The following SLCO3A1 variants were observed in gnomAD, a reference collection of about 807,000 sequenced individuals.
The protein encoded by SLCO3A1 is PGE1 transporter.
A neutral mutation model predicts 63.1 loss-of-function variants in SLCO3A1; 27 were observed. That is an observed-to-expected ratio of 0.43 (90% CI 0.32 to 0.59). SLCO3A1 has a LOEUF of 0.59. Ranked by LOEUF, SLCO3A1 falls within the 20% of genes least tolerant of loss-of-function variation. SLCO3A1 has a pLI of 0.09. For missense variants in SLCO3A1, 773 were observed against 945.8 expected, an observed-to-expected ratio of 0.82 and a Z score of 2.40; for synonymous variants, 473 against 409.9, an observed-to-expected ratio of 1.15 and a Z score of -1.86.
chr15:92,025,029 C>G (rs896879104), intron 2 of SLCO3A1, among the ~76,000 whole-genome samples: 4 of 152,266 alleles, frequency 2.6e-5, no homozygotes, highest in African/African-American at 9.6e-5. Flanking sequence ...ATCCATCTGT[C>G]TATCCATCCA....
At chr15:91,971,501 GC>G (rs1334179417) in intron 2 of SLCO3A1, among the ~76,000 whole-genome samples, 2 of 150,472 alleles carry the variant, frequency 1.3e-5, no homozygotes, top group African/African-American at 4.9e-5. Flanking sequence ...ATGTTTTTGT[GC>G]TTTTGTTGAT....
At chr15:92,110,706 G>A (rs901652969) in intron 4 of SLCO3A1, among the ~76,000 whole-genome samples, 6 of 135,438 alleles carry the variant, frequency 4.4e-5, no homozygotes, top group Non-Finnish European at 6.8e-5. Flanking sequence ...TACTCTGTAC[G>A]CTTCATGAAG....
intron 2 of SLCO3A1, among the ~76,000 whole-genome samples, chr15:91,993,349 G>T (rs891860328): frequency 6.6e-6 from 1 of 152,170 alleles, no homozygotes; most frequent in African/African-American, 2.4e-5. Context: ...TTGGTTTGAA[G>T]TTACCACTCC....
Position 92,021,155 on chromosome 15 carries a change from C to T in SLCO3A1, c.647-73726C>T, listed in dbSNP as rs79704696. Among the ~76,000 whole-genome samples the T allele has an allele frequency of 7.8e-4, 119 of 152,304 alleles. 1 individual carries two copies. The East Asian group carries it at 0.016, about 21-fold the overall frequency. On this transcript the variant is annotated intron_variant, in intron 2 of 9. Transcript: ENST00000318445. ...GTATGGTTGTGCTTGTTGTCATCAT[C>T]GCATCCTCACATTTTTGGGTGGCCC... is the stretch of plus-strand genomic sequence containing the variant.
In SLCO3A1 at chr15:91,950,665, ATGT is replaced by A. The variant is rs1365102026; in HGVS notation, c.646+34211_646+34213del. ...TCTTCCCGCTGTTTATTTAATGTAC[ATGT>A]TGTCTGACTTCATTTGGTTCTGTAT... On this transcript the variant is annotated intron_variant, in intron 2 of 9. Transcript: ENST00000318445. The surrounding 1 kb of genome is among the most constrained non-coding windows in gnomAD (Gnocchi z 4.4). Among the ~76,000 whole-genome samples, 1 of 152,086 alleles carries A rather than the reference ATGT, an allele frequency of 6.6e-6. No homozygotes were observed. Among genetic ancestry groups the A allele is most frequent in the Non-Finnish European group, 1.5e-5 (1 of 68,016 alleles).
intron 1 of SLCO3A1, among the ~76,000 whole-genome samples, chr15:91,914,645 C>T: frequency 6.7e-6 from 1 of 149,712 alleles, no homozygotes; most frequent in East Asian, 2.0e-4. Context: ...TCTCAGCTCA[C>T]TGCAACCGCC....
In SLCO3A1 at chr15:92,126,933, G is replaced by A. The variant is rs531103122; in HGVS notation, c.1373+674G>A. On this transcript the variant is annotated intron_variant, in intron 6 of 9. Transcript: ENST00000318445. ...GCCTGGAGCATCGAGGCTGAAGCAT[G>A]GCTGGCCTGCAGGTTACCAGTTTCT... is the stretch of plus-strand genomic sequence containing the variant. Among the ~76,000 whole-genome samples the A allele has an allele frequency of 6.6e-5, 10 of 152,300 alleles. No homozygotes were observed. The South Asian group carries it at 2.1e-3, about 32-fold the overall frequency.
chr15:92,054,893 A>G (rs2047003791), intron 2 of SLCO3A1, among the ~76,000 whole-genome samples: 1 of 152,162 alleles, frequency 6.6e-6, no homozygotes, highest in South Asian at 2.1e-4. Flanking sequence ...GGTATTATGA[A>G]TAGTGCTGCA....
intron 2 of SLCO3A1, among the ~76,000 whole-genome samples, chr15:92,084,719 G>A (rs1258684497): frequency 1.3e-5 from 2 of 152,204 alleles, no homozygotes; most frequent in Non-Finnish European, 2.9e-5. Context: ...CGGGCAGCCT[G>A]TGCTCCTCTC....
intron 3 of SLCO3A1, among the ~76,000 whole-genome samples, chr15:92,099,686 A>G (rs1335901860): frequency 6.6e-6 from 1 of 152,212 alleles, no homozygotes; most frequent in African/African-American, 2.4e-5. Flanking sequence ...AACAGCTGTC[A>G]ACAGCTCTCA....
intron 2 of SLCO3A1, among the ~76,000 whole-genome samples, chr15:92,027,499 A>G (rs2046590006): frequency 6.6e-6 from 1 of 152,242 alleles, no homozygotes; most frequent in Non-Finnish European, 1.5e-5. Context: ...AGCCAGCAGC[A>G]GCAAAGAGGA....
At position 91,988,975 on chromosome 15, in the gene SLCO3A1, C is replaced by A. The variant is rs143034271; in HGVS notation, c.646+72517C>A. The stretch of plus-strand genomic sequence containing the variant: ...CTCTCTCTCATACTTAACTTGGTGT[C>A]CTTGACTAGTTTGGCCAGTCTCTTG... On this transcript the variant is annotated intron_variant, in intron 2 of 9. Coordinates refer to ENST00000318445, the MANE Select transcript of SLCO3A1 (RefSeq NM_013272.4). Among the ~76,000 whole-genome samples, 1,221 of 152,246 alleles carry A rather than the reference C, an allele frequency of 8.0e-3. 15 individuals are homozygous for A. The highest frequency in any genetic ancestry group is 0.024 in the Middle Eastern group (7 of 294).
chr15:92,035,598 G>A (rs1395563689), intron 2 of SLCO3A1, among the ~76,000 whole-genome samples: 1 of 151,722 alleles, frequency 6.6e-6, no homozygotes, highest in African/African-American at 2.4e-5. Flanking sequence ...GCTCACCACA[G>A]GACAGTTTAG....
In SLCO3A1 at chr15:92,120,581, C is replaced by A; in HGVS notation, c.1126C>A (p.Leu376Met). The A allele has an allele frequency of 6.2e-7, 1 of 1,613,978 alleles. No homozygotes were observed. The highest frequency in any genetic ancestry group is 8.5e-7 in the Non-Finnish European group (1 of 1,179,986). Residue 376 changes from leucine to methionine, a missense_variant, in exon 5 of 10, where the codon CTG (leucine) becomes ATG (methionine). By Grantham distance (15) the Leu-to-Met change is conservative. This residue lies in a region of SLCO3A1 where 565 missense variants were observed against 749.8 expected (regional missense o/e 0.75). Coordinates refer to ENST00000318445, the MANE Select transcript of SLCO3A1 (RefSeq NM_013272.4). Reference protein sequence around the residue: ...AGFAAFLGKYLEQQFNLTTSS... With the variant: ...AGFAAFLGKYMEQQFNLTTSS... ...CTTCGCTGCCTTTTTGGGGAAGTAC[C>A]TGGAGCAGCAGTTTAACCTCACCAC...
chr15:92,059,717 C>A (rs2151504857), intron 2 of SLCO3A1, among the ~76,000 whole-genome samples: 2 of 152,324 alleles, frequency 1.3e-5, no homozygotes, highest in East Asian at 3.9e-4. Context: ...GGTCTCTACA[C>A]TGAGGCCTCC....
intron 2 of SLCO3A1, among the ~76,000 whole-genome samples, chr15:91,957,119 A>ATATAGTATATATAT (rs1345073477): frequency 3.1e-5 from 1 of 32,434 alleles, no homozygotes; most frequent in African/African-American, 2.6e-4. Flanking sequence ...TATATATAAT[A>ATATAGTATATATAT]TATATAATAT....
At chr15:92,024,205 C>T (rs754801197) in intron 2 of SLCO3A1, among the ~76,000 whole-genome samples, 3 of 152,228 alleles carry the variant, frequency 2.0e-5, no homozygotes, top group Non-Finnish European at 4.4e-5. Context: ...ATCCCCACTT[C>T]CATACATATC....
At chr15:92,092,466 T>C (rs2047489146) in intron 2 of SLCO3A1, among the ~76,000 whole-genome samples, 1 of 151,998 alleles carries the variant, frequency 6.6e-6, no homozygotes. Flanking sequence ...TGTGTCCCGT[T>C]CTTTTGGGAA....
chr15:92,123,116 A>T (rs1337420556), intron 5 of SLCO3A1, among the ~76,000 whole-genome samples: 2 of 152,196 alleles, frequency 1.3e-5, no homozygotes, highest in Non-Finnish European at 2.9e-5. Flanking sequence ...ACAGGACATA[A>T]CATATCTCAG....
Sources: allele counts gnomAD v4.1 joint callset (sites outside exome capture counted in the v4.1 genomes callset), GRCh38; gene constraint gnomAD v4.1.1; regional missense constraint gnomAD v4.1.1; non-coding constraint Gnocchi (gnomAD v3.1); transcripts MANE v1.5; gene names NCBI Gene and HGNC (gene_info 2026-07-23, HGNC 2026-07-21).